The following GPM6B variants were observed in gnomAD, a reference collection of about 807,000 sequenced individuals.
GPM6B encodes glycoprotein M6B.
Under a neutral mutation model 27.2 loss-of-function variants are expected in GPM6B, and 4 were observed. The ratio of observed to expected loss-of-function variants is 0.15; its 90% CI spans 0.07 to 0.34. GPM6B has a LOEUF of 0.34. GPM6B is among the 10% of genes least tolerant of loss of function. GPM6B has a pLI of 1.00. For synonymous variants in GPM6B, 124 were observed against 103.1 expected (o/e 1.20, Z -1.23); for missense variants, 183 against 261.9 (o/e 0.70, Z 2.08).
At chrX:13,934,167 G>T (rs966026978) in intron 1 of GPM6B, among the ~76,000 whole-genome samples, 8 of 110,249 alleles carry the variant, frequency 7.3e-5, no homozygotes, top group Non-Finnish European at 1.1e-4. Context: ...AGTACTCCGT[G>T]GTATTCGACT....
intron 6 of GPM6B, 82 bp downstream of exon 6, chrX:13,777,270 T>C (rs1309912767): frequency 1.5e-6 from 1 of 665,350 alleles, no homozygotes; most frequent in African/African-American, 2.2e-5. Context: ...TTTAACCATC[T>C]CTCTCGCTCT....
chrX:13,797,958 A>G (rs990744537), intron 2 of GPM6B, among the ~76,000 whole-genome samples: 5 of 110,807 alleles, frequency 4.5e-5, no homozygotes, highest in African/African-American at 1.6e-4. Flanking sequence ...AGAGAAGGAG[A>G]GCAGATCAGT....
At chrX:13,874,463 TGAGATGGGTG>T (rs2050011964) in intron 1 of GPM6B, among the ~76,000 whole-genome samples, 1 of 104,842 alleles carries the variant, frequency 9.5e-6, no homozygotes. Context: ...TTTGGGAGGC[TGAGATGGGTG>T]GATCACTTGA....
chrX:13,863,250 A>G (rs1487423898), intron 1 of GPM6B, among the ~76,000 whole-genome samples: 1 of 111,794 alleles, frequency 8.9e-6, no homozygotes, highest in African/African-American at 3.3e-5. Flanking sequence ...GATACAGATA[A>G]TTTCACACAA....
At chrX:13,884,980 C>A (rs2050121141) in intron 1 of GPM6B, among the ~76,000 whole-genome samples, 1 of 111,662 alleles carries the variant, frequency 9.0e-6, no homozygotes, top group Non-Finnish European at 1.9e-5. Flanking sequence ...ACGAAAAACC[C>A]AGAAAAAGGG....
At chrX:13,928,063 C>T (rs1051794871) in intron 1 of GPM6B, among the ~76,000 whole-genome samples, 1 of 112,042 alleles carries the variant, frequency 8.9e-6, no homozygotes, top group Non-Finnish European at 1.9e-5. Context: ...AAACATCCTC[C>T]TGTTTCAAAA....
intron 2 of GPM6B, among the ~76,000 whole-genome samples, chrX:13,797,633 A>T (rs1356033212): frequency 9.0e-6 from 1 of 110,927 alleles, no homozygotes; most frequent in African/African-American, 3.3e-5. Flanking sequence ...AAGAGAGGGA[A>T]GGTTTGTGAG....
intron 1 of GPM6B, among the ~76,000 whole-genome samples, chrX:13,850,795 A>G (rs1005710835): frequency 8.9e-6 from 1 of 112,559 alleles, no homozygotes; most frequent in African/African-American, 3.2e-5. Flanking sequence ...TTTTATTGGT[A>G]TCGTTATTTA....
At chrX:13,856,800 T>C (rs961464616) in intron 1 of GPM6B, among the ~76,000 whole-genome samples, 2 of 108,581 alleles carry the variant, frequency 1.8e-5, no homozygotes, top group African/African-American at 6.7e-5. Flanking sequence ...CCTGGGCTCA[T>C]GCAATCCCCC....
At chrX:13,874,110 TAAGA>T (rs975725955) in intron 1 of GPM6B, among the ~76,000 whole-genome samples, 1 of 112,030 alleles carries the variant, frequency 8.9e-6, no homozygotes, top group African/African-American at 3.2e-5. Context: ...AGTGTGAGAT[TAAGA>T]AAGACATTAG....
intron 1 of GPM6B, among the ~76,000 whole-genome samples, chrX:13,932,315 C>T (rs770745482): frequency 8.9e-6 from 1 of 111,999 alleles, no homozygotes; most frequent in East Asian, 2.8e-4. Context: ...TCTTCCTGCT[C>T]ATGCTTGAAG....
intron 1 of GPM6B, among the ~76,000 whole-genome samples, chrX:13,846,845 T>C (rs1237970690): frequency 9.6e-6 from 1 of 103,863 alleles, no homozygotes; most frequent in African/African-American, 3.6e-5. Flanking sequence ...ATCTTTCCTA[T>C]TACTGACACA....
At chrX:13,913,106 T>G (rs758069985) in intron 1 of GPM6B, among the ~76,000 whole-genome samples, 9 of 111,802 alleles carry the variant, frequency 8.0e-5, no homozygotes, top group African/African-American at 2.9e-4. Context: ...GAATAAACAG[T>G]TCAAGACAAT....
intron 1 of GPM6B, among the ~76,000 whole-genome samples, chrX:13,857,797 G>A (rs1457270819): frequency 8.9e-6 from 1 of 112,439 alleles, no homozygotes; most frequent in Non-Finnish European, 1.9e-5. Context: ...CAAGTGCTAG[G>A]GTACAACAAG....
intron 2 of GPM6B, among the ~76,000 whole-genome samples, chrX:13,789,016 T>C (rs1003218483): frequency 8.9e-6 from 1 of 111,755 alleles, no homozygotes; most frequent in South Asian, 3.7e-4. Flanking sequence ...CTGGCTCCTA[T>C]AGAACAGAAA....
At chrX:13,823,612 C>A (rs1203752155) in intron 1 of GPM6B, among the ~76,000 whole-genome samples, 1 of 108,526 alleles carries the variant, frequency 9.2e-6, no homozygotes, top group Non-Finnish European at 1.9e-5. Context: ...CTCTGCCTCT[C>A]GAGTTCAAGC....
intron 2 of GPM6B, among the ~76,000 whole-genome samples, chrX:13,794,078 AGCTACAAAGGCAGGGTTG>A (rs1250721781): frequency 8.9e-6 from 1 of 112,119 alleles, no homozygotes; most frequent in African/African-American, 3.2e-5. Flanking sequence ...GCTACTTTCA[AGCTACAAAGGCAGGGTTG>A]AGTTGTTGCC....
chrX:13,806,548 T>C (rs779088454), intron 2 of GPM6B, among the ~76,000 whole-genome samples: 1 of 112,113 alleles, frequency 8.9e-6, no homozygotes, highest in Admixed American at 9.5e-5. Context: ...ATAGGACAGA[T>C]GAAGGAATGC....
chrX:13,776,688 T>G (rs1365057474), intron 6 of GPM6B, among the ~76,000 whole-genome samples: 1 of 112,253 alleles, frequency 8.9e-6, no homozygotes, highest in Non-Finnish European at 1.9e-5. Flanking sequence ...ACTCACTGCT[T>G]CTTAAAAGCT....
Sources: allele counts gnomAD v4.1 joint callset (sites outside exome capture counted in the v4.1 genomes callset), GRCh38; gene constraint gnomAD v4.1.1; transcripts MANE v1.5; gene names NCBI Gene and HGNC (gene_info 2026-07-23, HGNC 2026-07-21).